Variants in ADAM12 observed in about 807,000 individuals in gnomAD.
The protein encoded by ADAM12 is disintegrin and metalloproteinase domain-containing protein 12.
A neutral mutation model predicts 106.4 loss-of-function variants in ADAM12; 70 were observed. That is an observed-to-expected ratio of 0.66 (90% CI 0.54 to 0.80). ADAM12 has a LOEUF of 0.80. ADAM12 is among the 30% of genes least tolerant of loss of function. The pLI is 0.00. For missense variants in ADAM12, 1,010 were observed against 1,171.9 expected, an observed-to-expected ratio of 0.86 and a Z score of 2.02; for synonymous variants, 420 against 433.5, an observed-to-expected ratio of 0.97 and a Z score of 0.39.
Position 126,098,718 on chromosome 10 carries a change from C to T in ADAM12, c.912-218G>A, listed in dbSNP as rs142599055. 2.2e-4 allele frequency among the ~76,000 whole-genome samples: 34 copies of T among 152,210 alleles called. No individual in the cohort carries two copies. In the East Asian group the frequency reaches 5.0e-3, roughly 22 times the overall value. On this transcript the variant is annotated intron_variant, in intron 9 of 22. Transcript: ENST00000448723. ...ATTTTTTAGAGTTTTGTTTTCAAGA[C>T]TCAGATGACAACTAGTTATTACTTT...
intron 3 of ADAM12, among the ~76,000 whole-genome samples, chr10:126,236,846 C>T (rs1187664169): frequency 6.6e-6 from 1 of 152,158 alleles, no homozygotes; most frequent in East Asian, 1.9e-4. Context: ...GACAGCACCC[C>T]CAAAGCCAAG....
At chr10:126,248,944 G>C (rs962994468) in intron 3 of ADAM12, among the ~76,000 whole-genome samples, 10 of 152,000 alleles carry the variant, frequency 6.6e-5, no homozygotes, top group African/African-American at 2.2e-4. Context: ...GACCTCAAGT[G>C]ATCTGCCCCG....
At position 126,223,274 on chromosome 10, in the gene ADAM12, G is replaced by A. The variant is rs561681909; in HGVS notation, c.260+55641C>T. Among the ~76,000 whole-genome samples, 7 of 152,220 alleles carry A rather than the reference G, an allele frequency of 4.6e-5. No homozygotes were observed. In the East Asian group the frequency reaches 1.2e-3, roughly 25 times the overall value. ...AAGTATAATGCTCTGACATAGATTC[G>A]AAGTTGATTTCAAAGAAGTATTTCT... is the stretch of plus-strand genomic sequence containing the variant. On this transcript the variant is annotated intron_variant, in intron 3 of 22. Transcript: ENST00000448723.
intron 2 of ADAM12, 37 bp from the exon 3 acceptor site, chr10:126,279,025 T>A: frequency 6.5e-7 from 1 of 1,529,966 alleles, no homozygotes; most frequent in Non-Finnish European, 9.0e-7. Flanking sequence ...TGAAAAACGC[T>A]TGGCTTTGAT....
chr10:126,274,430 A>C (rs1959201856), intron 3 of ADAM12, among the ~76,000 whole-genome samples: 1 of 152,182 alleles, frequency 6.6e-6, no homozygotes, highest in African/African-American at 2.4e-5. Context: ...GGTCTCATTC[A>C]CAAGAACTAC....
chr10:126,104,444 T>C (rs1239295113), intron 8 of ADAM12, among the ~76,000 whole-genome samples: 14 of 144,022 alleles, frequency 9.7e-5, no homozygotes, highest in African/African-American at 3.4e-4. Flanking sequence ...AGCAAGACTC[T>C]GTCTAAAAAA....
chr10:126,117,187 A>G (rs1045090069), intron 6 of ADAM12, among the ~76,000 whole-genome samples: 8 of 152,208 alleles, frequency 5.3e-5, no homozygotes, highest in African/African-American at 1.9e-4. Context: ...GATTGCCTTT[A>G]ATCCTTATTA....
rs185183459 is a variant in ADAM12 at position 126,214,859 on chromosome 10, C to T, written c.261-59554G>A. On this transcript the variant is annotated intron_variant, in intron 3 of 22. Coordinates refer to ENST00000448723, the MANE Select transcript of ADAM12 (RefSeq NM_001288973.2). The stretch of plus-strand genomic sequence containing the variant: ...GACCCTCGGCCCAGCCCACCTCTCA[C>T]GCCCGCTGGCTGGATTAGGATGCCA... 1.2e-4 allele frequency among the ~76,000 whole-genome samples: 19 copies of T among 152,342 alleles called. No individual in the cohort carries two copies. The East Asian group carries it at 1.5e-3, about 12-fold the overall frequency.
At chr10:126,342,440 A>G (rs1854963674) in intron 1 of ADAM12, among the ~76,000 whole-genome samples, 2 of 152,248 alleles carry the variant, frequency 1.3e-5, no homozygotes, top group Non-Finnish European at 2.9e-5. Flanking sequence ...ACAGATATTT[A>G]TTAGGCATAT....
chr10:126,190,989 C>CTTTTTTTTTTTTTTTTTTTTTTTTTTT lies in ADAM12; in HGVS notation c.261-35685_261-35684insAAAAAAAAAAAAAAAAAAAAAAAAAAA, dbSNP rs1957488604. The stretch of plus-strand genomic sequence containing the variant: ...TTTGAGTTGCCATGAGGAGTTTTGT[C>CTTTTTTTTTTTTTTTTTTTTTTTTTTT]CTTTTTTTTTTTTTTTTTTTTTTTT... On this transcript the variant is annotated intron_variant, in intron 3 of 22. Transcript: ENST00000448723. Among the ~76,000 whole-genome samples, 12 of 68,710 alleles carry CTTTTTTTTTTTTTTTTTTTTTTTTTTT rather than the reference C, an allele frequency of 1.7e-4. 6 individuals are homozygous for CTTTTTTTTTTTTTTTTTTTTTTTTTTT. Among genetic ancestry groups the CTTTTTTTTTTTTTTTTTTTTTTTTTTT allele is most frequent in the African/African-American group, 2.3e-4 (6 of 26,280 alleles). 45.1% of individuals were successfully genotyped at this position (68,710 alleles called of 152,430 possible). A position where few individuals can be genotyped will look rare whatever the true frequency, so the allele number is the denominator to read the frequency against.
intron 3 of ADAM12, among the ~76,000 whole-genome samples, chr10:126,217,468 A>C (rs982590339): frequency 6.6e-6 from 1 of 151,680 alleles, no homozygotes; most frequent in African/African-American, 2.4e-5. Flanking sequence ...CCAGGGTTCA[A>C]GTGATCCTCC....
rs992681955 is a variant in ADAM12, at chr10:126,246,940, C to A, written c.260+31975G>T. Among the ~76,000 whole-genome samples, 6 of 152,312 alleles carry A rather than the reference C, an allele frequency of 3.9e-5. No homozygotes were observed. In the South Asian group the frequency reaches 1.2e-3, roughly 32 times the overall value. ...CCAAATACGAAGAGCAGAAATCAAA[C>A]TATTCCCGTTAGCAGACAACATGAT... On this transcript the variant is annotated intron_variant, in intron 3 of 22. Coordinates refer to ENST00000448723, the MANE Select transcript of ADAM12 (RefSeq NM_001288973.2).
intron 11 of ADAM12, among the ~76,000 whole-genome samples, chr10:126,082,583 C>T (rs899078418): frequency 1.2e-4 from 19 of 152,062 alleles, no homozygotes; most frequent in African/African-American, 4.1e-4. Flanking sequence ...GTTGGCCAGG[C>T]TGGTCTCAAA....
intron 21 of ADAM12, among the ~76,000 whole-genome samples, chr10:126,024,789 AAAT>A (rs1210187031): frequency 6.6e-6 from 1 of 152,148 alleles, no homozygotes; most frequent in Non-Finnish European, 1.5e-5. Flanking sequence ...ATCTAGAAAA[AAAT>A]AAAATTTGAT....
intron 3 of ADAM12, among the ~76,000 whole-genome samples, chr10:126,192,629 T>G (rs1307153151): frequency 2.0e-5 from 3 of 152,246 alleles, no homozygotes; most frequent in Non-Finnish European, 4.4e-5. Flanking sequence ...CTTACAATTC[T>G]AAATCTCTGT....
intron 21 of ADAM12, among the ~76,000 whole-genome samples, chr10:126,024,742 A>C (rs886495618): frequency 5.3e-5 from 8 of 152,170 alleles, no homozygotes; most frequent in African/African-American, 1.9e-4. Flanking sequence ...AATCAAGGAC[A>C]AATAAAATAA....
intron 11 of ADAM12, among the ~76,000 whole-genome samples, chr10:126,089,058 A>C (rs1278370): frequency 0.54 from 81,722 of 151,860 alleles, 24,701 homozygotes; most frequent in African/African-American, 0.8. Context: ...TGCCCGCCCC[A>C]ACTCCCAGTT....
chr10:126,330,020 T>C (rs766703120), intron 2 of ADAM12, among the ~76,000 whole-genome samples: 15 of 152,220 alleles, frequency 9.9e-5, no homozygotes, highest in Non-Finnish European at 1.9e-4. Flanking sequence ...TTAAAACTCA[T>C]GACAAATGGG....
At chr10:126,347,436 T>C (rs1208377183) in intron 1 of ADAM12, among the ~76,000 whole-genome samples, 1 of 152,208 alleles carries the variant, frequency 6.6e-6, no homozygotes, top group Non-Finnish European at 1.5e-5. Flanking sequence ...CCGACCTTTC[T>C]CTCTGGCTGC....
Sources: allele counts gnomAD v4.1 joint callset (sites outside exome capture counted in the v4.1 genomes callset), GRCh38; gene constraint gnomAD v4.1.1; transcripts MANE v1.5; gene names NCBI Gene and HGNC (gene_info 2026-07-23, HGNC 2026-07-21).